The following ZNRF3 variants were observed in gnomAD, a reference collection of about 807,000 sequenced individuals.
The protein encoded by ZNRF3 is E3 ubiquitin-protein ligase ZNRF3.
A neutral mutation model predicts 72.5 loss-of-function variants in ZNRF3; 23 were observed. The observed-to-expected ratio is 0.32, with a 90% CI of 0.23 to 0.45. The LOEUF is 0.45. ZNRF3 is among the 20% of genes least tolerant of loss of function. The probability of loss-of-function intolerance (pLI) is 1.00; values close to 1 mark genes in which losing one functional copy is unlikely to be tolerated. For missense variants in ZNRF3, 1,169 were observed against 1,272.1 expected (o/e 0.92, Z 1.23); for synonymous variants, 610 against 545.3 (o/e 1.12, Z -1.65).
chr22:28,893,149 T>C (rs1028747858), intron 1 of ZNRF3, among the ~76,000 whole-genome samples: 12 of 152,178 alleles, frequency 7.9e-5, no homozygotes, highest in Non-Finnish European at 1.5e-4. Context: ...CCTGAGCGAC[T>C]GAGCGAGACT....
intron 1 of ZNRF3, among the ~76,000 whole-genome samples, chr22:28,938,105 T>G (rs2034874617): frequency 6.6e-6 from 1 of 152,196 alleles, no homozygotes; most frequent in Admixed American, 6.5e-5. Context: ...CAGAAATACA[T>G]AATGACAGAG....
chr22:28,943,679 G>A (rs114433414), intron 1 of ZNRF3, among the ~76,000 whole-genome samples: 22 of 152,128 alleles, frequency 1.4e-4, no homozygotes, highest in South Asian at 1.0e-3. Flanking sequence ...ACACACATGG[G>A]GGGGGAGGGG....
chr22:28,945,433 T>C (rs896588170), intron 1 of ZNRF3, among the ~76,000 whole-genome samples: 13 of 152,070 alleles, frequency 8.5e-5, no homozygotes, highest in African/African-American at 2.9e-4. Flanking sequence ...GGCTCACACC[T>C]GTAATCCCAG....
Position 29,048,643 on chromosome 22 carries a change from C to T in ZNRF3, c.1015+152C>T, listed in dbSNP as rs545595945. 2.7e-5 allele frequency: 19 copies of T among 713,898 alleles called. No homozygotes were observed. Among genetic ancestry groups the T allele is most frequent in the African/African-American group, 1.2e-4 (7 of 57,270 alleles). The allele number at this position is 713,898 out of a possible 1,614,324, so 44.2% of individuals were successfully genotyped here. A position where few individuals can be genotyped will look rare whatever the true frequency, so the allele number is the denominator to read the frequency against. On this transcript the variant is annotated intron_variant, in intron 7 of 8. Transcript: ENST00000544604. The surrounding 1 kb of genome is among the most constrained non-coding windows in gnomAD (Gnocchi z 4.9). ...CCCTGGGTTTTGGAGGTTGTCTGCA[C>T]GACCCTTAGGAGAGCTTGGCATTAA...
chr22:28,889,697 T>C (rs530315499), intron 1 of ZNRF3, among the ~76,000 whole-genome samples: 1 of 152,372 alleles, frequency 6.6e-6, no homozygotes, highest in African/African-American at 2.4e-5. Flanking sequence ...TCCTGTGCAC[T>C]GCGCAGCATC....
intron 5 of ZNRF3, among the ~76,000 whole-genome samples, chr22:29,046,049 C>T (rs985193539): frequency 1.3e-5 from 2 of 152,182 alleles, no homozygotes; most frequent in Non-Finnish European, 2.9e-5. Context: ...GTATACCAGG[C>T]TCTCTGGGTG....
chr22:28,945,632 C>T (rs76904468), intron 1 of ZNRF3, among the ~76,000 whole-genome samples: 2,543 of 151,754 alleles, frequency 0.017, 79 homozygotes, highest in African/African-American at 0.059. Flanking sequence ...CGAGTTTAAG[C>T]GATTCTTCTG....
intron 1 of ZNRF3, among the ~76,000 whole-genome samples, chr22:28,949,012 T>C (rs2035104900): frequency 6.6e-6 from 1 of 152,196 alleles, no homozygotes; most frequent in Admixed American, 6.5e-5. Flanking sequence ...GGAGTTTCGC[T>C]CCTGTTGCCC....
chr22:28,895,910 A>G (rs2033985351), intron 1 of ZNRF3, among the ~76,000 whole-genome samples: 1 of 151,782 alleles, frequency 6.6e-6, no homozygotes. Context: ...TCATCCTCTC[A>G]TTTGGGAGTG....
intron 2 of ZNRF3, among the ~76,000 whole-genome samples, chr22:29,040,837 T>A (rs1464745761): frequency 6.6e-6 from 1 of 152,214 alleles, no homozygotes; most frequent in East Asian, 1.9e-4. Context: ...GGAATTGGTT[T>A]GTTGTAAAAG....
rs944605180 is a variant in ZNRF3, at chr22:29,049,023, A to C, written c.1016-174A>C. 6.6e-6 allele frequency among the ~76,000 whole-genome samples: 1 copy of C among 152,174 alleles called. No individual in the cohort carries two copies. Among genetic ancestry groups the C allele is most frequent in the Non-Finnish European group, 1.5e-5 (1 of 68,028 alleles). The stretch of plus-strand genomic sequence containing the variant: ...AGGAGATGGGCCATTTCACACAGAC[A>C]GGCAGGTCAGCCTCTGCCGCTGCAG... On this transcript the variant is annotated intron_variant, in intron 7 of 8. Transcript: ENST00000544604. The surrounding 1 kb of genome is among the most constrained non-coding windows in gnomAD (Gnocchi z 5.2).
chr22:28,917,502 C>G (rs1464494062), intron 1 of ZNRF3: 1 of 958,706 alleles, frequency 1.0e-6, no homozygotes, highest in East Asian at 1.1e-4. Context: ...AATGTTAAAT[C>G]TAAATTTGGG....
chr22:29,050,446 C>T lies in ZNRF3; in HGVS notation c.2265C>T (p.Ser755=). ...PAGGEPQSGS[S]QGLYGLHPDH... is the part of the protein sequence containing the mutation. ...GTGGGGAGCCCCAGTCAGGAAGCTC[C>T]CAGGGCTTGTACGGCCTTCACCCCG... Residue 755 remains serine, a synonymous_variant, in exon 8 of 9, where the codon TCC becomes TCT. Transcript: ENST00000544604. The T allele has an allele frequency of 6.2e-7, 1 of 1,611,218 alleles. No homozygotes were observed. Among genetic ancestry groups the T allele is most frequent in the East Asian group, 2.2e-5 (1 of 44,826 alleles).
chr22:29,043,217 T>C, intron 3 of ZNRF3, 82 bp from the exon 4 acceptor site: 1 of 1,483,164 alleles, frequency 6.7e-7, no homozygotes, highest in Non-Finnish European at 9.1e-7. Flanking sequence ...TATTCAGTGT[T>C]CCTTCCCTCC....
chr22:28,991,599 GCCATCA>G (rs1211674901), intron 2 of ZNRF3, among the ~76,000 whole-genome samples: 1 of 152,154 alleles, frequency 6.6e-6, no homozygotes, highest in Non-Finnish European at 1.5e-5. Flanking sequence ...GTAGAAGTCA[GCCATCA>G]CATGTTGGGT....
chr22:28,937,213 ATATTTTTTTTTTTTT>A (rs1286233156), intron 1 of ZNRF3, among the ~76,000 whole-genome samples: 8 of 4,220 alleles, frequency 1.9e-3, no homozygotes, highest in South Asian at 0.016. Context: ...ATATATATAT[ATATTTTTTTTTTTTT>A]TTTTTTTTTT....
chr22:29,041,784 C>T (rs1004198329), intron 2 of ZNRF3, among the ~76,000 whole-genome samples: 3 of 152,132 alleles, frequency 2.0e-5, no homozygotes, highest in Non-Finnish European at 4.4e-5. Context: ...CTCCAGAGGT[C>T]TTCAGCTTGT....
intron 2 of ZNRF3, chr22:29,026,431 G>A (rs1448268425): frequency 1.3e-5 from 2 of 152,186 alleles, no homozygotes; most frequent in Non-Finnish European, 2.9e-5. Context: ...TTCAGAGTAT[G>A]TTTGAGGGCT....
intron 5 of ZNRF3, among the ~76,000 whole-genome samples, chr22:29,046,043 A>G (rs534374869): frequency 1.1e-4 from 16 of 152,340 alleles, no homozygotes; most frequent in African/African-American, 3.6e-4. Context: ...TACACAGTAT[A>G]CCAGGCTCTC....
Sources: allele counts gnomAD v4.1 joint callset (sites outside exome capture counted in the v4.1 genomes callset), GRCh38; gene constraint gnomAD v4.1.1; non-coding constraint Gnocchi (gnomAD v3.1); transcripts MANE v1.5; gene names NCBI Gene and HGNC (gene_info 2026-07-23, HGNC 2026-07-21).